Variants in GDPGP1 observed in about 807,000 individuals in gnomAD.
GDPGP1 encodes GDP-D-glucose phosphorylase 1.
GDPGP1 carries 18 observed loss-of-function variants against 19.2 expected under a neutral mutation model. The observed-to-expected ratio is 0.94, with a 90% CI of 0.65 to 1.39. The LOEUF (loss-of-function observed/expected upper bound fraction) is 1.39, where lower values mean the gene tolerates loss of function less well. Ranked by LOEUF, GDPGP1 falls within the 40% of genes most tolerant of loss-of-function variation. The pLI is 0.00. For synonymous variants in GDPGP1, 219 were observed against 208.9 expected, an observed-to-expected ratio of 1.05 and a Z score of -0.42; for missense variants, 449 against 490.5, an observed-to-expected ratio of 0.92 and a Z score of 0.80.
intron 2 of GDPGP1, among the ~76,000 whole-genome samples, chr15:90,236,386 G>A (rs776289896): frequency 7.2e-5 from 11 of 152,200 alleles, no homozygotes; most frequent in Admixed American, 1.3e-4. Flanking sequence ...TGTGCCTGGT[G>A]ACCAGCTGTG....
intron 3 of GDPGP1, among the ~76,000 whole-genome samples, chr15:90,240,673 C>T (rs990333125): frequency 4.0e-5 from 6 of 151,714 alleles, no homozygotes; most frequent in East Asian, 1.9e-4. Flanking sequence ...ATTACCCGGG[C>T]ATGGTGGTGC....
At chr15:90,239,523 A>G (rs183659892) in intron 3 of GDPGP1, among the ~76,000 whole-genome samples, 4 of 152,276 alleles carry the variant, frequency 2.6e-5, no homozygotes, top group Admixed American at 2.6e-4. Context: ...TGTGCAGAGC[A>G]AAGAGGGAGG....
Position 90,242,120 on chromosome 15 carries a change from A to G in GDPGP1, c.*54A>G. On this transcript the variant is annotated 3_prime_UTR_variant, in exon 4 of 4. Transcript: ENST00000329600. ...TTCTTTTCTTTTGAGATAGGGTCTC[A>G]CTCTGTCCCCAGGCTAGAGTGTAGT... 2 of 1,428,148 alleles carry G rather than the reference A, an allele frequency of 1.4e-6. No homozygotes were observed. The highest frequency in any genetic ancestry group is 2.7e-5 in the South Asian group (2 of 74,856). 88.5% of individuals were successfully genotyped at this position (1,428,148 alleles called of 1,614,324 possible). A position where few individuals can be genotyped will look rare whatever the true frequency, so the allele number is the denominator to read the frequency against.
At chr15:90,240,780 C>T (rs1049561442) in intron 3 of GDPGP1, 120 bp from the exon 4 acceptor site, 1 of 670,920 alleles carries the variant, frequency 1.5e-6, no homozygotes, top group Admixed American at 3.0e-5. Flanking sequence ...TGCCACTGCA[C>T]TCCAGCCTGG....
chr15:90,242,431 C>CTT lies in GDPGP1; in HGVS notation c.*395_*396dup, dbSNP rs71151576. 1,840 of 65,314 alleles carry CTT rather than the reference C, an allele frequency of 0.028. 275 individuals carry two copies. Among genetic ancestry groups the CTT allele is most frequent in the Non-Finnish European group, 0.042 (1,387 of 32,656 alleles). The allele number at this position is 65,314 out of a possible 1,614,324, so 4.0% of individuals were successfully genotyped here. ...TGAGCCCCTGGATTCTTTTCTGTTT[C>CTT]TTTTTTTTTTTTTTTTTTTTTTTTT... On this transcript the variant is annotated 3_prime_UTR_variant, in exon 4 of 4. Coordinates refer to ENST00000329600, the MANE Select transcript of GDPGP1 (RefSeq NM_001013657.3).
chr15:90,241,920 C>T lies in GDPGP1; in HGVS notation c.1012C>T (p.His338Tyr), dbSNP rs1303214442. 7 of 1,614,108 alleles carry T rather than the reference C, an allele frequency of 4.3e-6. No individual in the cohort carries two copies. Among genetic ancestry groups the T allele is most frequent in the Middle Eastern group, 3.3e-4 (2 of 6,062 alleles). The change falls in exon 4 of 4, where the codon CAC (histidine) becomes TAC (tyrosine). Residue 338 changes from histidine to tyrosine, a missense_variant. Transcript: ENST00000329600. ...TGTTGCCCTCTGTGAGCTGGCTGGG[C>T]ACCTCCCTGTCAAAACATCCCAGGA... is the stretch of plus-strand genomic sequence containing the variant. ...FNVALCELAG[H>Y]LPVKTSQDFS...
In GDPGP1 at chr15:90,234,259, G is replaced by T; in HGVS notation, c.-175G>T. The stretch of plus-strand genomic sequence containing the variant: ...CGCTGTGGCCCCGGCAGCGGCTGCG[G>T]GGAAAGTCGCGAGGTGCATCCGCTT... On this transcript the variant is annotated 5_prime_UTR_variant, in exon 1 of 4. Transcript: ENST00000329600. 4.8e-6 allele frequency: 1 copy of T among 210,340 alleles called. No homozygotes were observed. The highest frequency in any genetic ancestry group is 9.4e-6 in the Non-Finnish European group (1 of 106,514). 13.0% of individuals were successfully genotyped at this position (210,340 alleles called of 1,614,324 possible).
At position 90,241,938 on chromosome 15, in the gene GDPGP1, T is replaced by C; in HGVS notation, c.1030T>C (p.Ser344Pro). ...GGCTGGGCACCTCCCTGTCAAAACA[T>C]CCCAGGACTTCAGCAGCCTGACAGA... is the stretch of plus-strand genomic sequence containing the variant. ...ELAGHLPVKT[S>P]QDFSSLTEAA... Residue 344 changes from serine (S) to proline (P), a missense_variant, in exon 4 of 4, where the codon TCC (serine) becomes CCC (proline). Transcript: ENST00000329600. 6.2e-7 allele frequency: 1 copy of C among 1,614,072 alleles called. No homozygotes were observed. The highest frequency in any genetic ancestry group is 1.1e-5 in the South Asian group (1 of 91,080).
At chr15:90,239,861 G>A (rs1457793348) in intron 3 of GDPGP1, among the ~76,000 whole-genome samples, 1 of 152,192 alleles carries the variant, frequency 6.6e-6, no homozygotes, top group Non-Finnish European at 1.5e-5. Flanking sequence ...GGAGGTCAAG[G>A]CTTCAGGGAG....
Position 90,242,103 on chromosome 15 carries a change from T to C in GDPGP1, c.*37T>C. On this transcript the variant is annotated 3_prime_UTR_variant, in exon 4 of 4. Transcript: ENST00000329600. ...GTATTTATGTTCTTTTTTTCTTTTC[T>C]TTTGAGATAGGGTCTCACTCTGTCC... The C allele has an allele frequency of 6.6e-7, 1 of 1,519,596 alleles. No homozygotes were observed. Among genetic ancestry groups the C allele is most frequent in the Non-Finnish European group, 8.9e-7 (1 of 1,119,806 alleles). 94.1% of individuals were successfully genotyped at this position (1,519,596 alleles called of 1,614,324 possible).
At chr15:90,236,585 G>A (rs749922426) in intron 2 of GDPGP1, among the ~76,000 whole-genome samples, 10 of 152,142 alleles carry the variant, frequency 6.6e-5, no homozygotes, top group Non-Finnish European at 1.3e-4. Context: ...CCAGGCTGGA[G>A]TACAGTGGTA....
In GDPGP1 at chr15:90,241,596, G is replaced by T; in HGVS notation, c.688G>T (p.Val230Leu). 6.2e-7 allele frequency: 1 copy of T among 1,613,688 alleles called. No individual in the cohort carries two copies. Among genetic ancestry groups the T allele is most frequent in the Middle Eastern group, 1.6e-4 (1 of 6,062 alleles). The change falls in exon 4 of 4, where the codon GTG (valine) becomes TTG (leucine). Residue 230 changes from valine to leucine, a missense_variant. Physicochemically the swap from Val to Leu is conservative, Grantham distance 32. Coordinates refer to ENST00000329600, the MANE Select transcript of GDPGP1 (RefSeq NM_001013657.3). ...CTATTACCTGGCCCACAGACTGCCC[G>T]TGGAGCAGGCGCCAAGCGAGCCCCT... ...HGYYLAHRLP[V>L]EQAPSEPLDP...
Position 90,241,340 on chromosome 15 carries a change from C to A in GDPGP1, c.432C>A (p.Leu144=). ...VLFRLHREPD[L]PGTLLQEDIL... is the part of the protein sequence containing the mutation. ...TCCGTTTGCACCGGGAGCCTGATCT[C>A]CCTGGGACTCTGCTGCAAGAAGACA... The change falls in exon 4 of 4, where the codon CTC becomes CTA. Residue 144 remains leucine, a synonymous_variant. Transcript: ENST00000329600. 6.2e-7 allele frequency: 1 copy of A among 1,614,230 alleles called. No homozygotes were observed. Among genetic ancestry groups the A allele is most frequent in the South Asian group, 1.1e-5 (1 of 91,086 alleles).
chr15:90,237,545 A>G (rs56156140), intron 2 of GDPGP1, among the ~76,000 whole-genome samples: 4,143 of 151,670 alleles, frequency 0.027, 182 homozygotes, highest in African/African-American at 0.09. Flanking sequence ...CAGCCTCCCA[A>G]TGTGCTGGTC....
Position 90,241,812 on chromosome 15 carries a change from C to T in GDPGP1, c.904C>T (p.Pro302Ser). Residue 302 changes from proline (P) to serine (S), a missense_variant, in exon 4 of 4, where the codon CCT (proline) becomes TCT (serine). Pro to Ser is a moderately conservative substitution (Grantham distance 74, BLOSUM62 -1). Transcript: ENST00000329600. ...TRGAPPGKTS[P>S]SSALTGVRVI... The stretch of plus-strand genomic sequence containing the variant: ...GGGAGCTCCGCCGGGAAAGACATCA[C>T]CTTCCTCAGCCCTCACAGGGGTCCG... 1 of 1,614,246 alleles carries T rather than the reference C, an allele frequency of 6.2e-7. No individual in the cohort carries two copies. The highest frequency in any genetic ancestry group is 8.5e-7 in the Non-Finnish European group (1 of 1,180,036).
At position 90,235,710 on chromosome 15, in the gene GDPGP1, G is replaced by A. The variant is rs1285759772; in HGVS notation, c.-67+1114G>A. 9.2e-5 allele frequency among the ~76,000 whole-genome samples: 14 copies of A among 151,772 alleles called. 1 individual carries two copies. The highest frequency in any genetic ancestry group is 9.2e-4 in the Admixed American group (14 of 15,236). ...AGCCTCCCCAGCAGCTGGGACTACA[G>A]GCACCCGCCACCACACCCGGCTAAT... On this transcript the variant is annotated intron_variant, in intron 2 of 3. Coordinates refer to ENST00000329600, the MANE Select transcript of GDPGP1 (RefSeq NM_001013657.3).
intron 2 of GDPGP1, among the ~76,000 whole-genome samples, chr15:90,235,744 A>G (rs1962621610): frequency 6.6e-6 from 1 of 151,234 alleles, no homozygotes; most frequent in South Asian, 2.1e-4. Context: ...ATTTTTTTGT[A>G]TTTTTGGTAG....
At position 90,241,300 on chromosome 15, in the gene GDPGP1, C is replaced by T; in HGVS notation, c.392C>T (p.Pro131Leu). The change falls in exon 4 of 4, where the codon CCC (proline) becomes CTC (leucine). Residue 131 changes from proline (P) to leucine (L), a missense_variant. Coordinates refer to ENST00000329600, the MANE Select transcript of GDPGP1 (RefSeq NM_001013657.3). ...CAGTTCAACTTCAACAAGATCCGGC[C>T]CGGAGAAGTCCTCTTCCGTTTGCAC... ...PVQFNFNKIR[P>L]GEVLFRLHRE... is the part of the protein sequence containing the mutation. 3 of 1,614,194 alleles carry T rather than the reference C, an allele frequency of 1.9e-6. No individual in the cohort carries two copies. The highest frequency in any genetic ancestry group is 1.1e-5 in the South Asian group (1 of 91,078).
chr15:90,239,650 G>T (rs1962708418), intron 3 of GDPGP1, among the ~76,000 whole-genome samples: 1 of 152,188 alleles, frequency 6.6e-6, no homozygotes, highest in African/African-American at 2.4e-5. Context: ...ACAACAAGTG[G>T]GGATTATAGG....
Sources: allele counts gnomAD v4.1 joint callset (sites outside exome capture counted in the v4.1 genomes callset), GRCh38; gene constraint gnomAD v4.1.1; transcripts MANE v1.5; gene names NCBI Gene and HGNC (gene_info 2026-07-23, HGNC 2026-07-21).